Variants in PCDHGA6 observed in about 807,000 individuals in gnomAD.
PCDHGA6 encodes protocadherin gamma-A6.
A neutral mutation model predicts 60.6 loss-of-function variants in PCDHGA6; 41 were observed. The observed-to-expected ratio is 0.68, with a 90% confidence interval of 0.53 to 0.88. PCDHGA6 has a LOEUF of 0.88. Among genes scored for constraint, PCDHGA6 ranks in the 40% least tolerant of loss-of-function variants. PCDHGA6 has a pLI of 0.00. For synonymous variants in PCDHGA6, 594 were observed against 524.4 expected, an observed-to-expected ratio of 1.13 and a Z score of -1.81; for missense variants, 1,312 against 1,203.0, an observed-to-expected ratio of 1.09 and a Z score of -1.34.
chr5:141,501,331 A>ACC (rs906542724), intron 2 of PCDHGA6, among the ~76,000 whole-genome samples: 1 of 138,846 alleles, frequency 7.2e-6, no homozygotes, highest in Non-Finnish European at 1.6e-5. Flanking sequence ...ACACACACAC[A>ACC]CACCCCAAAC....
intron 1 of PCDHGA6, chr5:141,419,396 G>A (rs772000806): frequency 3.7e-6 from 6 of 1,613,600 alleles, no homozygotes; most frequent in Admixed American, 1.7e-5. Flanking sequence ...GCAGAGCGGG[G>A]TGGTGTTCGC....
At chr5:141,455,607 G>A (rs2098827849) in intron 1 of PCDHGA6, among the ~76,000 whole-genome samples, 1 of 152,248 alleles carries the variant, frequency 6.6e-6, no homozygotes, top group East Asian at 1.9e-4. Context: ...GGGCGCCATG[G>A]ATGTTCTAAA....
At chr5:141,475,046 T>C (rs1430484084) in intron 1 of PCDHGA6, among the ~76,000 whole-genome samples, 1 of 152,274 alleles carries the variant, frequency 6.6e-6, no homozygotes, top group African/African-American at 2.4e-5. Context: ...CTTTGTATTT[T>C]CTAAAGATTT....
intron 2 of PCDHGA6, among the ~76,000 whole-genome samples, chr5:141,495,233 A>G (rs1226612093): frequency 1.3e-5 from 2 of 152,196 alleles, no homozygotes; most frequent in African/African-American, 4.8e-5. Flanking sequence ...GCTGGGCTCC[A>G]TTATGACCTG....
Position 141,489,576 on chromosome 5 carries a change from C to G in PCDHGA6, c.2425-5231C>G. 6.2e-7 allele frequency: 1 copy of G among 1,614,054 alleles called. No individual in the cohort carries two copies. Among genetic ancestry groups the G allele is most frequent in the Non-Finnish European group, 8.5e-7 (1 of 1,179,976 alleles). On this transcript the variant is annotated intron_variant, in intron 1 of 3. Coordinates refer to ENST00000517434, the MANE Select transcript of PCDHGA6 (RefSeq NM_018919.3). This position sits in a 1 kb window ranked among gnomAD's most constrained non-coding sequence, Gnocchi z 4.5. ...TGCCAGTGCAGGTGGTGACTGAACA[C>G]CCCCTGGAGCTAATCCGTGTAGAGG...
intron 1 of PCDHGA6, chr5:141,419,244 C>T (rs2096349736): frequency 1.2e-6 from 2 of 1,614,008 alleles, no homozygotes; most frequent in Non-Finnish European, 1.7e-6. Context: ...GTCCACGTGC[C>T]AGAAAACAAC....
intron 1 of PCDHGA6, among the ~76,000 whole-genome samples, chr5:141,474,511 C>T (rs2099350824): frequency 6.6e-6 from 1 of 152,202 alleles, no homozygotes; most frequent in Non-Finnish European, 1.5e-5. Context: ...TATCAGCCCT[C>T]TTGCTGGTCT....
At chr5:141,419,939 G>T in intron 1 of PCDHGA6, 1 of 1,614,054 alleles carries the variant, frequency 6.2e-7, no homozygotes. Flanking sequence ...TTACCTGGTG[G>T]TGGCCTTGGC....
In PCDHGA6 at chr5:141,491,354, C is replaced by T. The variant is rs2099710960; in HGVS notation, c.2425-3453C>T. The T allele has an allele frequency of 6.2e-7, 1 of 1,614,166 alleles. No homozygotes were observed. Among genetic ancestry groups the T allele is most frequent in the South Asian group, 1.1e-5 (1 of 91,088 alleles). On this transcript the variant is annotated intron_variant, in intron 1 of 3. Coordinates refer to ENST00000517434, the MANE Select transcript of PCDHGA6 (RefSeq NM_018919.3). This position sits in a 1 kb window ranked among gnomAD's most constrained non-coding sequence, Gnocchi z 6.9. ...GCTCTAGCGACCGTCAGTCTCTTAT[C>T]CCTAGTCACCTTCACCTTTCTGTCA...
chr5:141,382,081 G>A (rs933434638), intron 1 of PCDHGA6, among the ~76,000 whole-genome samples: 12 of 151,852 alleles, frequency 7.9e-5, no homozygotes, highest in Non-Finnish European at 1.6e-4. Context: ...CGCCCGCCTC[G>A]GCCTCACAAA....
rs999687684 is a variant in PCDHGA6 at position 141,431,598 on chromosome 5, C to G, written c.2424+55091C>G. 1 of 1,614,074 alleles carries G rather than the reference C, an allele frequency of 6.2e-7. No individual in the cohort carries two copies. The highest frequency in any genetic ancestry group is 1.3e-5 in the African/African-American group (1 of 74,938). On this transcript the variant is annotated intron_variant, in intron 1 of 3. Transcript: ENST00000517434. This position sits in a 1 kb window ranked among gnomAD's most constrained non-coding sequence, Gnocchi z 4.8. ...GGAGTCAATGCGGAAGTGAGGTATT[C>G]CTTCCGGTATGTGGACGACAAGGCG...
chr5:141,426,630 T>C, intron 1 of PCDHGA6: 1 of 398,080 alleles, frequency 2.5e-6, no homozygotes, highest in South Asian at 1.8e-5. Context: ...TCTAAATGTT[T>C]TTCACATAAA....
chr5:141,496,083 C>T (rs1267834920), intron 2 of PCDHGA6, among the ~76,000 whole-genome samples: 8 of 151,904 alleles, frequency 5.3e-5, no homozygotes, highest in Admixed American at 3.3e-4. Flanking sequence ...CAACCCCCCA[C>T]CCACCACCCA....
chr5:141,421,910 C>G, intron 1 of PCDHGA6: 1 of 1,613,716 alleles, frequency 6.2e-7, no homozygotes, highest in Non-Finnish European at 8.5e-7. Flanking sequence ...GGCGCAGTTC[C>G]CATTCGTGTG....
At chr5:141,482,840 G>A (rs1343123459) in intron 1 of PCDHGA6, among the ~76,000 whole-genome samples, 2 of 152,212 alleles carry the variant, frequency 1.3e-5, no homozygotes, top group Admixed American at 6.5e-5. Context: ...GGGAGGCCAA[G>A]GTGGGCAGAT....
At chr5:141,506,213 A>G (rs2154593866) in intron 3 of PCDHGA6, among the ~76,000 whole-genome samples, 1 of 152,204 alleles carries the variant, frequency 6.6e-6, no homozygotes, top group South Asian at 2.1e-4. Flanking sequence ...CACTTTGGGA[A>G]GCTGAGGCAG....
At chr5:141,503,736 T>C (rs1381045077) in intron 2 of PCDHGA6, among the ~76,000 whole-genome samples, 4 of 152,202 alleles carry the variant, frequency 2.6e-5, no homozygotes, top group African/African-American at 9.6e-5. Context: ...TTTGTTGTGA[T>C]GGTATAGAGG....
chr5:141,418,776 C>G (rs763308217), intron 1 of PCDHGA6: 1 of 1,613,806 alleles, frequency 6.2e-7, no homozygotes, highest in East Asian at 2.2e-5. Flanking sequence ...ACTCAGCAGC[C>G]TTTGGATTTT....
intron 1 of PCDHGA6, chr5:141,399,810 C>T (rs148150333): frequency 3.9e-5 from 63 of 1,613,194 alleles, no homozygotes; most frequent in Non-Finnish European, 4.9e-5. Flanking sequence ...TGCTGTACCC[C>T]GCGCTGGGTC....
Sources: gnomAD v4.1 joint callset for allele counts (sites outside exome capture counted in the v4.1 genomes callset) on GRCh38, gnomAD v4.1.1 for gene constraint, Gnocchi (gnomAD v3.1) non-coding constraint, MANE v1.5 for transcripts, NCBI Gene and HGNC (gene_info 2026-07-23, HGNC 2026-07-21) for gene names.